CACNA1C: variants seen among roughly 807,000 people sequenced by gnomAD.
The protein encoded by CACNA1C is calcium voltage-gated channel subunit alpha1 C.
Under a neutral mutation model 229.0 loss-of-function variants are expected in CACNA1C, and 30 were observed. The ratio of observed to expected loss-of-function variants is 0.13; its 90% CI spans 0.10 to 0.18. The LOEUF (loss-of-function observed/expected upper bound fraction) is 0.18. CACNA1C is among the 10% of genes least tolerant of loss of function. CACNA1C has a pLI of 1.00. For synonymous variants in CACNA1C, 1,114 were observed against 1,132.5 expected, an observed-to-expected ratio of 0.98 and a Z score of 0.33; for missense variants, 1,658 against 2,845.0, an observed-to-expected ratio of 0.58 and a Z score of 9.49.
rs1445748449 is a variant in CACNA1C, at chr12:2,512,559, C to T, written c.1218-253C>T. Among the ~76,000 whole-genome samples, 1 of 152,146 alleles carries T rather than the reference C, an allele frequency of 6.6e-6. No homozygotes were observed. The highest frequency in any genetic ancestry group is 6.5e-5 in the Admixed American group (1 of 15,274). ...GAGGGAGATGGACTTCATCCATCCC[C>T]TTAAGCCTCTCCTGGCCAGTGTCAG... On this transcript the variant is annotated intron_variant, in intron 8 of 46. Transcript: ENST00000399655. The surrounding 1 kb of genome is among the most constrained non-coding windows in gnomAD (Gnocchi z 4.3).
intron 1 of CACNA1C, among the ~76,000 whole-genome samples, chr12:1,984,991 T>A (rs973668018): frequency 7.2e-5 from 11 of 151,746 alleles, no homozygotes; most frequent in African/African-American, 2.4e-4. Flanking sequence ...AACATTATTA[T>A]CCTAGATGTA....
At chr12:2,141,624 G>A (rs948390256) in intron 3 of CACNA1C, among the ~76,000 whole-genome samples, 18 of 151,366 alleles carry the variant, frequency 1.2e-4, no homozygotes, top group African/African-American at 4.1e-4. Context: ...TGCAAGCTCC[G>A]TAACGAGCAC....
At chr12:2,277,128 T>C (rs1466819821) in intron 3 of CACNA1C, among the ~76,000 whole-genome samples, 1 of 152,152 alleles carries the variant, frequency 6.6e-6, no homozygotes, top group Non-Finnish European at 1.5e-5. Context: ...CACTCTCATA[T>C]GTTAGGTGCT....
chr12:2,154,999 ATCTCTGTGTGTTG>A (rs2095484334), intron 3 of CACNA1C, among the ~76,000 whole-genome samples: 2 of 152,180 alleles, frequency 1.3e-5, no homozygotes, highest in Non-Finnish European at 2.9e-5. Flanking sequence ...GGTGCCGTCT[ATCTCTGTGTGTTG>A]AGTTATCGGG....
intron 3 of CACNA1C, among the ~76,000 whole-genome samples, chr12:2,172,209 A>G (rs1452165980): frequency 6.6e-6 from 1 of 152,162 alleles, no homozygotes; most frequent in Non-Finnish European, 1.5e-5. Context: ...GAGCGCAGGG[A>G]AGTAAAGCTC....
chr12:2,675,683 C>T (rs1255302491), intron 39 of CACNA1C, among the ~76,000 whole-genome samples: 1 of 152,176 alleles, frequency 6.6e-6, no homozygotes, highest in Non-Finnish European at 1.5e-5. Context: ...TAAAACCATG[C>T]AAAACAATGT....
intron 4 of CACNA1C, among the ~76,000 whole-genome samples, chr12:2,450,472 T>C (rs2099355787): frequency 7.4e-6 from 1 of 135,774 alleles, no homozygotes; most frequent in Non-Finnish European, 1.5e-5. Context: ...GAGAATGGCG[T>C]GAACCCGGGA....
At chr12:2,565,250 T>C (rs905057223) in intron 11 of CACNA1C, among the ~76,000 whole-genome samples, 212 of 151,146 alleles carry the variant, frequency 1.4e-3, no homozygotes, top group Middle Eastern at 3.4e-3. Flanking sequence ...GGGTGGATCA[T>C]GAGGTCAGGA....
intron 13 of CACNA1C, among the ~76,000 whole-genome samples, chr12:2,573,008 C>T (rs1261408486): frequency 6.7e-6 from 1 of 148,814 alleles, no homozygotes; most frequent in Non-Finnish European, 1.5e-5. Flanking sequence ...TCCTTCTTCT[C>T]CTCCTCCTCC....
chr12:1,992,038 T>C, intron 1 of CACNA1C: 1 of 350,062 alleles, frequency 2.9e-6, no homozygotes, highest in Non-Finnish European at 6.0e-6. Context: ...TATAAACAAT[T>C]CAAACTGGCA....
chr12:2,088,267 G>T (rs1055020151), intron 1 of CACNA1C, among the ~76,000 whole-genome samples: 1 of 152,212 alleles, frequency 6.6e-6, no homozygotes, highest in Non-Finnish European at 1.5e-5. Context: ...CTCTTTAAAT[G>T]TGTGTGCCTC....
chr12:2,067,380 A>G lies in CACNA1C; in HGVS notation c.49+13769A>G, dbSNP rs2059650676. 6.6e-6 allele frequency among the ~76,000 whole-genome samples: 1 copy of G among 151,602 alleles called. No homozygotes were observed. The highest frequency in any genetic ancestry group is 2.4e-5 in the African/African-American group (1 of 41,246). The stretch of plus-strand genomic sequence containing the variant: ...TGGGGAGCATAACAGGAAGAAGATG[A>G]CAAAAGCCTGGGTGGTGGAGATGGT... On this transcript the variant is annotated intron_variant, in intron 1 of 46. Transcript: ENST00000399655. This position sits in a 1 kb window ranked among gnomAD's most constrained non-coding sequence, Gnocchi z 5.3.
rs541644128 is a variant in CACNA1C at position 2,150,560 on chromosome 12, C to T, written c.477+30130C>T. Among the ~76,000 whole-genome samples, 167 of 152,334 alleles carry T rather than the reference C, an allele frequency of 1.1e-3. 1 individual carries two copies. Among genetic ancestry groups the T allele is most frequent in the African/African-American group, 3.9e-3 (161 of 41,578 alleles). ...CAGAGCAGCTTTGATAACAGCAGTG[C>T]ACTCCCTCTCCTCTAGAAAGTTAGG... On this transcript the variant is annotated intron_variant, in intron 3 of 46. Transcript: ENST00000399655.
At chr12:2,422,173 A>T (rs751918247) in intron 3 of CACNA1C, among the ~76,000 whole-genome samples, 2 of 152,212 alleles carry the variant, frequency 1.3e-5, no homozygotes, top group African/African-American at 2.4e-5. Flanking sequence ...GCCTGAATAC[A>T]TTCATAGTTG....
At chr12:1,977,738 T>C (rs2034873368) in intron 1 of CACNA1C, among the ~76,000 whole-genome samples, 1 of 152,216 alleles carries the variant, frequency 6.6e-6, no homozygotes. Context: ...GAGAAAACGT[T>C]TTACAAAATG....
At position 2,632,864 on chromosome 12, in the gene CACNA1C, AAC is replaced by A. The variant is rs1013735092; in HGVS notation, c.3829-1428_3829-1427del. Among the ~76,000 whole-genome samples the A allele has an allele frequency of 1.1e-4, 16 of 152,186 alleles. No individual in the cohort carries two copies. Among genetic ancestry groups the A allele is most frequent in the East Asian group, 9.7e-4 (5 of 5,156 alleles). ...CAGAAAGCCCTGTCAAGAGCCACAT[AAC>A]ACACTCCCGGAGTAGGAGCCCAGCC... On this transcript the variant is annotated intron_variant, in intron 29 of 46. Coordinates refer to ENST00000399655, the MANE Select transcript of CACNA1C (RefSeq NM_000719.7). This position sits in a 1 kb window ranked among gnomAD's most constrained non-coding sequence, Gnocchi z 4.1.
intron 38 of CACNA1C, among the ~76,000 whole-genome samples, chr12:2,669,827 C>T (rs1369265682): frequency 1.3e-5 from 2 of 152,146 alleles, no homozygotes; most frequent in East Asian, 3.9e-4. Context: ...CTCAGGGCTG[C>T]GTCCACCTGG....
At chr12:2,205,236 GA>G (rs1461462620) in intron 3 of CACNA1C, among the ~76,000 whole-genome samples, 1 of 152,210 alleles carries the variant, frequency 6.6e-6, no homozygotes, top group Non-Finnish European at 1.5e-5. Flanking sequence ...GTTACACTGG[GA>G]AAGCCAGTGT....
At chr12:2,637,011 A>C (rs1282504114) in intron 30 of CACNA1C, among the ~76,000 whole-genome samples, 1 of 152,184 alleles carries the variant, frequency 6.6e-6, no homozygotes, top group East Asian at 1.9e-4. Flanking sequence ...TTTCAGAGCC[A>C]CTTTCTCCCT....
Sources: allele counts gnomAD v4.1 joint callset (sites outside exome capture counted in the v4.1 genomes callset), GRCh38; gene constraint gnomAD v4.1.1; non-coding constraint Gnocchi (gnomAD v3.1); transcripts MANE v1.5; gene names NCBI Gene and HGNC (gene_info 2026-07-23, HGNC 2026-07-21).